The following ZNF704 variants were observed in gnomAD, a reference collection of about 807,000 sequenced individuals.
ZNF704 encodes glucocorticoid induced gene 1.
Under a neutral mutation model 44.7 loss-of-function variants are expected in ZNF704, and 10 were observed. That is an observed-to-expected ratio of 0.22 (90% CI 0.14 to 0.38). The LOEUF (loss-of-function observed/expected upper bound fraction) is 0.38, where lower values mean the gene tolerates loss of function less well. Ranked by LOEUF, ZNF704 falls within the 10% of genes least tolerant of loss-of-function variation. The pLI is 1.00. For missense variants in ZNF704, 390 were observed against 545.5 expected, an observed-to-expected ratio of 0.71 and a Z score of 2.84; for synonymous variants, 211 against 207.6, an observed-to-expected ratio of 1.02 and a Z score of -0.14.
At chr8:80,866,268 G>A (rs1192009996) in intron 1 of ZNF704, among the ~76,000 whole-genome samples, 6 of 152,154 alleles carry the variant, frequency 3.9e-5, no homozygotes, top group African/African-American at 1.2e-4. Flanking sequence ...GAGGAAAAGC[G>A]ACTTCATACC....
At chr8:80,752,608 TTTG>T (rs1350026531) in intron 2 of ZNF704, among the ~76,000 whole-genome samples, 1 of 151,974 alleles carries the variant, frequency 6.6e-6, no homozygotes, top group East Asian at 1.9e-4. Context: ...ATGGTGTGAT[TTTG>T]GCTCACTGCA....
chr8:80,687,136 TC>T (rs1818551284), intron 4 of ZNF704, 89 bp downstream of exon 4: 1 of 1,112,490 alleles, frequency 9.0e-7, no homozygotes, highest in Non-Finnish European at 1.3e-6. Context: ...GGGGTGTAGG[TC>T]CAAGGTTAAG....
intron 6 of ZNF704, among the ~76,000 whole-genome samples, chr8:80,662,137 G>GATATATTAA (rs1818111686): frequency 6.6e-6 from 1 of 152,044 alleles, no homozygotes; most frequent in Admixed American, 6.6e-5. Flanking sequence ...AAATGTTCAT[G>GATATATTAA]ATATATTAAA....
intron 2 of ZNF704, among the ~76,000 whole-genome samples, chr8:80,709,863 T>G (rs1818957870): frequency 2.0e-5 from 3 of 152,176 alleles, no homozygotes; most frequent in Admixed American, 2.0e-4. Context: ...TCCACCACCA[T>G]GCTCCCCACA....
intron 2 of ZNF704, among the ~76,000 whole-genome samples, chr8:80,769,543 T>G (rs1807284033): frequency 6.6e-6 from 1 of 152,168 alleles, no homozygotes. Flanking sequence ...GTTCCAGGAA[T>G]CACTAGGGCA....
Position 80,644,950 on chromosome 8 carries a change from C to T in ZNF704, c.1033-1821G>A, listed in dbSNP as rs61735582. 1.2e-3 allele frequency: 1,283 copies of T among 1,114,030 alleles called. 16 individuals carry two copies. In the African/African-American group the frequency reaches 0.017, roughly 15 times the overall value. 69.0% of individuals were successfully genotyped at this position (1,114,030 alleles called of 1,614,324 possible). A position where few individuals can be genotyped will look rare whatever the true frequency, so the allele number is the denominator to read the frequency against. ...TGCCAGCTTCATTTCTTTGTTTTCT[C>T]GGGTAGTGGGTGCCGGAACAGCAAG... On this transcript the variant is annotated intron_variant, in intron 7 of 8. Transcript: ENST00000327835.
chr8:80,827,176 CCAT>C (rs1402151236), intron 1 of ZNF704, among the ~76,000 whole-genome samples: 2 of 152,122 alleles, frequency 1.3e-5, no homozygotes, highest in African/African-American at 4.8e-5. Context: ...TTAGAAAACC[CCAT>C]CATCTCAGCC....
intron 1 of ZNF704, among the ~76,000 whole-genome samples, chr8:80,828,757 G>A (rs1808421051): frequency 6.6e-6 from 1 of 152,152 alleles, no homozygotes; most frequent in South Asian, 2.1e-4. Context: ...GGTAAAGGAA[G>A]GTATTAACGA....
intron 7 of ZNF704, among the ~76,000 whole-genome samples, chr8:80,649,157 G>A (rs1228049983): frequency 6.6e-6 from 1 of 152,158 alleles, no homozygotes; most frequent in Non-Finnish European, 1.5e-5. Flanking sequence ...TGTTGGTTAG[G>A]TGTGACCTCA....
intron 3 of ZNF704, among the ~76,000 whole-genome samples, chr8:80,687,833 A>T (rs1451681032): frequency 6.6e-6 from 1 of 152,162 alleles, no homozygotes; most frequent in African/African-American, 2.4e-5. Flanking sequence ...AAGAAATATC[A>T]TTTGCAGTAT....
intron 2 of ZNF704, among the ~76,000 whole-genome samples, chr8:80,712,869 G>GT (rs1819008574): frequency 7.0e-6 from 1 of 142,198 alleles, no homozygotes; most frequent in African/African-American, 3.1e-5. Context: ...TTGAAGTAGG[G>GT]GTTTTTTTGT....
At chr8:80,714,896 G>T (rs1275739515) in intron 2 of ZNF704, among the ~76,000 whole-genome samples, 1 of 151,982 alleles carries the variant, frequency 6.6e-6, no homozygotes, top group East Asian at 1.9e-4. Flanking sequence ...TTTCTTTTCT[G>T]CCATTTTGCC....
intron 7 of ZNF704, among the ~76,000 whole-genome samples, chr8:80,650,621 GA>G (rs2131596124): frequency 6.6e-6 from 1 of 152,268 alleles, no homozygotes; most frequent in East Asian, 1.9e-4. Flanking sequence ...AGACAAAAAA[GA>G]ATAAAAAGAA....
intron 2 of ZNF704, among the ~76,000 whole-genome samples, chr8:80,707,736 C>A (rs187605977): frequency 5.9e-5 from 9 of 152,334 alleles, no homozygotes; most frequent in African/African-American, 1.9e-4. Flanking sequence ...AATCAATGAG[C>A]CAGACAATGG....
At chr8:80,724,430 T>C (rs1391360120) in intron 2 of ZNF704, among the ~76,000 whole-genome samples, 2 of 152,214 alleles carry the variant, frequency 1.3e-5, no homozygotes, top group Non-Finnish European at 2.9e-5. Flanking sequence ...TTTCTTTAGT[T>C]CACTTATGAC....
intron 7 of ZNF704, among the ~76,000 whole-genome samples, chr8:80,654,706 G>T (rs1445860385): frequency 2.6e-5 from 4 of 152,180 alleles, no homozygotes; most frequent in Non-Finnish European, 5.9e-5. Context: ...TGCTGGAGAG[G>T]ATGTGGAGAA....
In ZNF704 at chr8:80,659,570, C is replaced by T. The variant is rs201920873; in HGVS notation, c.1032+15G>A. On this transcript the variant is annotated intron_variant, in intron 7 of 8. Coordinates refer to ENST00000327835, the MANE Select transcript of ZNF704 (RefSeq NM_001033723.3). ...GCTTTGACCAGATTTTTGGCTTTTT[C>T]GTTTTTCTACTTACTGGGATGCCTG... The T allele has an allele frequency of 1.5e-4, 242 of 1,612,472 alleles. 1 individual carries two copies. Among genetic ancestry groups the T allele is most frequent in the African/African-American group, 1.2e-3 (87 of 74,934 alleles).
intron 4 of ZNF704, among the ~76,000 whole-genome samples, chr8:80,680,198 A>T (rs1484812373): frequency 6.6e-6 from 1 of 152,172 alleles, no homozygotes; most frequent in Non-Finnish European, 1.5e-5. Flanking sequence ...CTGGAATTTG[A>T]AGAATTATGT....
At chr8:80,795,627 A>T (rs1031121076) in intron 2 of ZNF704, among the ~76,000 whole-genome samples, 2 of 151,716 alleles carry the variant, frequency 1.3e-5, no homozygotes, top group African/African-American at 4.8e-5. Context: ...CTGCGGCAGG[A>T]GAGTCACTTG....
Sources: gnomAD v4.1 joint callset for allele counts (sites outside exome capture counted in the v4.1 genomes callset) on GRCh38, gnomAD v4.1.1 for gene constraint, MANE v1.5 for transcripts, NCBI Gene and HGNC (gene_info 2026-07-23, HGNC 2026-07-21) for gene names.